The following MAGI2 variants were observed in gnomAD, a reference collection of about 807,000 sequenced individuals.
MAGI2 encodes membrane associated guanylate kinase, WW and PDZ domain containing 2, also known as membrane-associated guanylate kinase, WW and PDZ domain-containing protein 2.
A neutral mutation model predicts 133.3 loss-of-function variants in MAGI2; 35 were observed. The ratio of observed to expected loss-of-function variants is 0.26; its 90% CI spans 0.20 to 0.35. The LOEUF (loss-of-function observed/expected upper bound fraction) is 0.35, where lower values mean the gene tolerates loss of function less well. MAGI2 is among the 10% of genes least tolerant of loss of function. MAGI2 has a pLI of 1.00. For synonymous variants in MAGI2, 729 were observed against 710.6 expected (o/e 1.03, Z -0.41); for missense variants, 1,636 against 1,863.4 (o/e 0.88, Z 2.25).
intron 20 of MAGI2, among the ~76,000 whole-genome samples, chr7:78,113,987 G>T (rs1164270800): frequency 6.6e-6 from 1 of 152,218 alleles, no homozygotes; most frequent in Non-Finnish European, 1.5e-5. Context: ...TGATCCTGCT[G>T]CTCAGGAGGA....
At chr7:78,626,587 G>C (rs1242983292) in intron 3 of MAGI2, among the ~76,000 whole-genome samples, 1 of 152,048 alleles carries the variant, frequency 6.6e-6, no homozygotes, top group Admixed American at 6.6e-5. Flanking sequence ...TACACAAGGA[G>C]ATTTCTATTG....
intron 21 of MAGI2, among the ~76,000 whole-genome samples, chr7:78,066,654 T>G (rs1203357979): frequency 6.6e-6 from 1 of 152,146 alleles, no homozygotes; most frequent in Non-Finnish European, 1.5e-5. Flanking sequence ...GGACTACAGT[T>G]CTTTACCTAT....
At chr7:78,383,999 T>C (rs541713004) in intron 6 of MAGI2, among the ~76,000 whole-genome samples, 13 of 152,312 alleles carry the variant, frequency 8.5e-5, no homozygotes, top group Middle Eastern at 6.8e-3. Context: ...TACCATACCC[T>C]TGTAATATAT....
intron 21 of MAGI2, among the ~76,000 whole-genome samples, chr7:78,051,468 A>G (rs901893348): frequency 2.6e-5 from 4 of 152,212 alleles, no homozygotes; most frequent in Non-Finnish European, 2.9e-5. Flanking sequence ...GTCTTTTTCA[A>G]TTTTGAAGGG....
chr7:79,235,084 G>A (rs13307688), intron 1 of MAGI2, among the ~76,000 whole-genome samples: 1 of 151,664 alleles, frequency 6.6e-6, no homozygotes, highest in Admixed American at 6.6e-5. Flanking sequence ...CTGCTGGGGG[G>A]TGCCTCCCAG....
rs201071554 is a variant in MAGI2 at position 79,067,281 on chromosome 7, G to T, written c.302-60075C>A. Reference sequence around the variant, plus strand: ...CATTTGTGTCCTCTCTTATTTCCTTGAGCAGTGGTTTGTAGTTCTCCTTGA... The same window carrying T: ...CATTTGTGTCCTCTCTTATTTCCTTTAGCAGTGGTTTGTAGTTCTCCTTGA... On this transcript the variant is annotated intron_variant, in intron 1 of 21. Transcript: ENST00000354212. 5.9e-5 allele frequency among the ~76,000 whole-genome samples: 9 copies of T among 152,180 alleles called. No individual in the cohort carries two copies. The East Asian group carries it at 1.5e-3, about 26-fold the overall frequency.
chr7:79,318,092 C>G (rs144823205), intron 1 of MAGI2, among the ~76,000 whole-genome samples: 1 of 152,230 alleles, frequency 6.6e-6, no homozygotes, highest in Non-Finnish European at 1.5e-5. Flanking sequence ...CAGCCACCTT[C>G]TTTTTGCTCT....
At chr7:78,458,334 A>C (rs191992667) in intron 6 of MAGI2, among the ~76,000 whole-genome samples, 8 of 151,372 alleles carry the variant, frequency 5.3e-5, no homozygotes, top group Non-Finnish European at 4.4e-5. Flanking sequence ...AATTGAATCA[A>C]GTATCTTATG....
At chr7:78,701,414 TA>T (rs34075097) in intron 2 of MAGI2, among the ~76,000 whole-genome samples, 2,264 of 152,128 alleles carry the variant, frequency 0.015, 56 homozygotes, top group South Asian at 0.044. Flanking sequence ...ATATTTGTAA[TA>T]AAATGTAAGG....
chr7:78,618,945 G>T (rs1035663971), intron 3 of MAGI2: 4 of 141,156 alleles, frequency 2.8e-5, no homozygotes, highest in Admixed American at 7.6e-5. Flanking sequence ...AATCGGTTCT[G>T]GTGATCTATT....
chr7:78,074,297 C>T (rs1815042439), intron 21 of MAGI2, among the ~76,000 whole-genome samples: 1 of 152,084 alleles, frequency 6.6e-6, no homozygotes, highest in South Asian at 2.1e-4. Flanking sequence ...GGTATTTTTT[C>T]AATTGTACCT....
intron 1 of MAGI2, among the ~76,000 whole-genome samples, chr7:79,346,653 A>C (rs1301999521): frequency 6.6e-6 from 1 of 151,828 alleles, no homozygotes; most frequent in Non-Finnish European, 1.5e-5. Context: ...TTCTGGTAGT[A>C]TATTTATCTT....
intron 1 of MAGI2, among the ~76,000 whole-genome samples, chr7:79,180,352 TA>T (rs749102132): frequency 8.6e-5 from 13 of 152,000 alleles, no homozygotes; most frequent in African/African-American, 1.2e-4. Flanking sequence ...TTATTGGACT[TA>T]AAGTTCTACA....
At chr7:78,266,654 T>C (rs960427730) in intron 9 of MAGI2, among the ~76,000 whole-genome samples, 1 of 151,990 alleles carries the variant, frequency 6.6e-6, no homozygotes, top group Non-Finnish European at 1.5e-5. Flanking sequence ...CTCAGCTTAC[T>C]GCAACCTCCA....
chr7:78,617,300 G>A (rs1230370193), intron 3 of MAGI2: 1 of 152,070 alleles, frequency 6.6e-6, no homozygotes, highest in Non-Finnish European at 1.5e-5. Flanking sequence ...TTTCCATTTT[G>A]TTGTAACTTA....
intron 2 of MAGI2, among the ~76,000 whole-genome samples, chr7:78,880,148 T>C (rs930980786): frequency 6.6e-6 from 1 of 151,916 alleles, no homozygotes; most frequent in African/African-American, 2.4e-5. Flanking sequence ...AAAAAACATA[T>C]TTGAGGAACT....
At chr7:78,525,870 A>T (rs1796905705) in intron 3 of MAGI2, among the ~76,000 whole-genome samples, 1 of 152,224 alleles carries the variant, frequency 6.6e-6, no homozygotes, top group Admixed American at 6.5e-5. Context: ...GGCATTTTAC[A>T]TAAGTATTCT....
chr7:79,390,234 T>A (rs1322547281), intron 1 of MAGI2, among the ~76,000 whole-genome samples: 2 of 152,074 alleles, frequency 1.3e-5, no homozygotes, highest in African/African-American at 4.8e-5. Flanking sequence ...AACCAGAAAC[T>A]CAGGACGCAA....
At chr7:78,781,351 C>T (rs1233786716) in intron 2 of MAGI2, among the ~76,000 whole-genome samples, 1 of 144,310 alleles carries the variant, frequency 6.9e-6, no homozygotes, top group African/African-American at 2.6e-5. Flanking sequence ...TGCATTCCAG[C>T]CTGGGCGACA....
Sources: gnomAD v4.1 joint callset for allele counts (sites outside exome capture counted in the v4.1 genomes callset) on GRCh38, gnomAD v4.1.1 for gene constraint, MANE v1.5 for transcripts, NCBI Gene and HGNC (gene_info 2026-07-23, HGNC 2026-07-21) for gene names.